Variants in TRPM3 observed in about 807,000 individuals in gnomAD.
The protein encoded by TRPM3 is long transient receptor potential channel 3.
Under a neutral mutation model 181.2 loss-of-function variants are expected in TRPM3, and 77 were observed. The ratio of observed to expected loss-of-function variants is 0.42; its 90% CI spans 0.35 to 0.51. The LOEUF is 0.51. TRPM3 is among the 20% of genes least tolerant of loss of function. The pLI is 0.01. For synonymous variants in TRPM3, 745 were observed against 796.4 expected (o/e 0.94, Z 1.09); for missense variants, 1,759 against 2,196.7 (o/e 0.80, Z 3.98).
intron 6 of TRPM3, among the ~76,000 whole-genome samples, chr9:70,787,763 C>CTTTTTTTTTTTTTTTTTTTTTTGGT (rs2084089646): frequency 4.4e-5 from 3 of 68,558 alleles, no homozygotes; most frequent in African/African-American, 1.2e-4. Context: ...TTTTTGGATT[C>CTTTTTTTTTTTTTTTTTTTTTTGGT]TTTTTTTTTT....
At chr9:70,817,007 C>T (rs560732522) in intron 6 of TRPM3, among the ~76,000 whole-genome samples, 12 of 152,120 alleles carry the variant, frequency 7.9e-5, no homozygotes, top group African/African-American at 1.4e-4. Context: ...TCAATGAGCA[C>T]GTTAGAATAC....
At chr9:71,349,183 G>A (rs2091461538) in intron 1 of TRPM3, among the ~76,000 whole-genome samples, 1 of 152,126 alleles carries the variant, frequency 6.6e-6, no homozygotes, top group African/African-American at 2.4e-5. Flanking sequence ...ATCCAAAAAT[G>A]CATCTTTTAT....
chr9:71,020,547 T>G (rs143461381), intron 1 of TRPM3, among the ~76,000 whole-genome samples: 17 of 152,106 alleles, frequency 1.1e-4, no homozygotes, highest in Middle Eastern at 3.4e-3. Flanking sequence ...ATGGGATGAT[T>G]TATTTGCAAA....
chr9:71,011,971 T>C (rs995098083), intron 1 of TRPM3, among the ~76,000 whole-genome samples: 6 of 151,824 alleles, frequency 4.0e-5, no homozygotes, highest in African/African-American at 7.3e-5. Context: ...TTAGTAGAGA[T>C]AGGGTTTTGC....
intron 1 of TRPM3, among the ~76,000 whole-genome samples, chr9:70,926,698 T>A (rs2096724916): frequency 6.6e-6 from 1 of 152,204 alleles, no homozygotes; most frequent in Non-Finnish European, 1.5e-5. Flanking sequence ...GGCCTTGAGA[T>A]TTGTTTTAAT....
At chr9:70,588,321 G>C (rs937461015) in intron 22 of TRPM3, among the ~76,000 whole-genome samples, 1 of 152,044 alleles carries the variant, frequency 6.6e-6, no homozygotes, top group Admixed American at 6.6e-5. Flanking sequence ...CAGAAGTGAG[G>C]GCATCAAAGC....
Position 70,867,974 on chromosome 9 carries a change from A to G in TRPM3, c.178-3463T>C, listed in dbSNP as rs183677067. ...CAGTTATCTCAGAATAGTTATCCTC[A>G]TTGTTAGAAAGCATGAAATAGTTTC... On this transcript the variant is annotated intron_variant, in intron 1 of 25. Coordinates refer to ENST00000677713, the MANE Select transcript of TRPM3 (RefSeq NM_001366145.2). 3.3e-5 allele frequency among the ~76,000 whole-genome samples: 5 copies of G among 152,180 alleles called. No individual in the cohort carries two copies. In the East Asian group the frequency reaches 9.7e-4, roughly 30 times the overall value.
chr9:70,841,644 ATATATATATATATATAT>A (rs2094646079), intron 5 of TRPM3, among the ~76,000 whole-genome samples: 3 of 131,544 alleles, frequency 2.3e-5, no homozygotes, highest in South Asian at 2.3e-4. Flanking sequence ...ATATATATAT[ATATATATATATATATAT>A]CCCACCATAT....
chr9:71,195,206 A>G (rs1479775600), intron 1 of TRPM3, among the ~76,000 whole-genome samples: 1 of 152,030 alleles, frequency 6.6e-6, no homozygotes, highest in African/African-American at 2.4e-5. Flanking sequence ...GAAACTATCG[A>G]CAGAGTGAAC....
At chr9:70,539,732 G>T (rs2042779044) in intron 25 of TRPM3, among the ~76,000 whole-genome samples, 1 of 152,164 alleles carries the variant, frequency 6.6e-6, no homozygotes, top group African/African-American at 2.4e-5. Flanking sequence ...TAACAAGTTT[G>T]TGTGTCTCAT....
intron 1 of TRPM3, among the ~76,000 whole-genome samples, chr9:71,002,254 T>C (rs1266260482): frequency 6.6e-6 from 1 of 152,252 alleles, no homozygotes; most frequent in African/African-American, 2.4e-5. Context: ...CACTTCATCA[T>C]GGAAGCATAA....
At chr9:71,330,872 A>G (rs1451370124) in intron 1 of TRPM3, among the ~76,000 whole-genome samples, 2 of 151,800 alleles carry the variant, frequency 1.3e-5, no homozygotes, top group African/African-American at 4.8e-5. Flanking sequence ...TGGGGTTTCC[A>G]TAGCCTCAGG....
At chr9:70,983,781 G>GA (rs58766785) in intron 1 of TRPM3, among the ~76,000 whole-genome samples, 13,119 of 152,176 alleles carry the variant, frequency 0.086, 1,159 homozygotes, top group African/African-American at 0.23. Flanking sequence ...GAAAATGGGG[G>GA]AAAAAATAGA....
chr9:70,739,664 T>G (rs1469981580), intron 8 of TRPM3, among the ~76,000 whole-genome samples: 1 of 152,052 alleles, frequency 6.6e-6, no homozygotes, highest in Admixed American at 6.6e-5. Flanking sequence ...CCATCTCAAT[T>G]CACTGCAACC....
chr9:71,125,464 T>C (rs897799173), upstream of TRPM3, among the ~76,000 whole-genome samples: 3 of 152,228 alleles, frequency 2.0e-5, no homozygotes, highest in African/African-American at 7.2e-5. Context: ...TCTCTGTTCC[T>C]GTGTCAGTTC....
intron 1 of TRPM3, among the ~76,000 whole-genome samples, chr9:71,280,424 T>A (rs561171031): frequency 8.8e-4 from 134 of 152,082 alleles, no homozygotes; most frequent in Non-Finnish European, 1.6e-3. Context: ...CTATGACAAG[T>A]AAAGCACGCC....
At chr9:71,138,681 T>C (rs2074918448) in intron 1 of TRPM3, among the ~76,000 whole-genome samples, 1 of 152,200 alleles carries the variant, frequency 6.6e-6, no homozygotes, top group Non-Finnish European at 1.5e-5. Flanking sequence ...ATAACATCAT[T>C]CAATAATATG....
intron 1 of TRPM3, among the ~76,000 whole-genome samples, chr9:71,008,528 C>T (rs12005418): frequency 0.038 from 5,836 of 152,144 alleles, 409 homozygotes; most frequent in African/African-American, 0.13. Context: ...TACTAGCAAA[C>T]TGAATTCAAC....
chr9:70,534,000 T>C lies in TRPM3; in HGVS notation c.*1953A>G, dbSNP rs2041250325. ...ATTATAATTAAACAAAAGAACCAGG[T>C]AGTATCTCAGGCCAGGAACAATAGA... is the stretch of plus-strand genomic sequence containing the variant. On this transcript the variant is annotated 3_prime_UTR_variant, in exon 26 of 26. Transcript: ENST00000677713. 1 of 152,202 alleles carries C rather than the reference T, an allele frequency of 6.6e-6. No individual in the cohort carries two copies. The highest frequency in any genetic ancestry group is 1.5e-5 in the Non-Finnish European group (1 of 68,028). 9.4% of individuals were successfully genotyped at this position (152,202 alleles called of 1,614,324 possible). A position where few individuals can be genotyped will look rare whatever the true frequency, so the allele number is the denominator to read the frequency against.
Sources: allele counts gnomAD v4.1 joint callset (sites outside exome capture counted in the v4.1 genomes callset), GRCh38; gene constraint gnomAD v4.1.1; transcripts MANE v1.5; gene names NCBI Gene and HGNC (gene_info 2026-07-23, HGNC 2026-07-21).